RAD23B: variants seen among roughly 807,000 people sequenced by gnomAD.
The protein encoded by RAD23B is lysine-specific demethylase RAD23B.
A neutral mutation model predicts 49.1 loss-of-function variants in RAD23B; 5 were observed. The observed-to-expected ratio is 0.10, with a 90% CI of 0.05 to 0.21. The LOEUF (loss-of-function observed/expected upper bound fraction) is 0.21, where lower values mean the gene tolerates loss of function less well. Among genes scored for constraint, RAD23B ranks in the 10% least tolerant of loss-of-function variants. The pLI is 1.00. For missense variants in RAD23B, 356 were observed against 486.7 expected, an observed-to-expected ratio of 0.73 and a Z score of 2.53; for synonymous variants, 184 against 165.4, an observed-to-expected ratio of 1.11 and a Z score of -0.86.
intron 1 of RAD23B, chr9:107,285,040 T>G: frequency 2.9e-6 from 3 of 1,019,356 alleles, no homozygotes; most frequent in Non-Finnish European, 3.9e-6. Context: ...CTTTAATTTT[T>G]TAAGAAACAG....
Position 107,325,024 on chromosome 9 carries a change from T to TA in RAD23B, c.1116+27dup, listed in dbSNP as rs769342063. The TA allele has an allele frequency of 7.5e-6, 12 of 1,604,876 alleles. No individual in the cohort carries two copies. Among genetic ancestry groups the TA allele is most frequent in the African/African-American group, 4.0e-5 (3 of 74,550 alleles). On this transcript the variant is annotated intron_variant, in intron 9 of 9. Coordinates refer to ENST00000358015, the MANE Select transcript of RAD23B (RefSeq NM_002874.5). ...GAAAGGGTGAGTTTAAGTAAAACTT[T>TA]AAAAAAATTAGTTCTTGGCTGGGCT...
Position 107,318,914 on chromosome 9 carries a change from G to GTT in RAD23B, c.681+37_681+38dup. ...ATGTTTTACTTTACTCCATTCTGTTGTTTAAGATTAAAATCTCAAAGAAAC... is the reference window on the plus strand; with the variant it reads ...ATGTTTTACTTTACTCCATTCTGTTGTTTTTAAGATTAAAATCTCAAAGAAAC... On this transcript the variant is annotated intron_variant, in intron 6 of 9. Coordinates refer to ENST00000358015, the MANE Select transcript of RAD23B (RefSeq NM_002874.5). This position sits in a 1 kb window ranked among gnomAD's most constrained non-coding sequence, Gnocchi z 4.3. 1 of 1,567,036 alleles carries GTT rather than the reference G, an allele frequency of 6.4e-7. No homozygotes were observed. Among genetic ancestry groups the GTT allele is most frequent in the Non-Finnish European group, 8.7e-7 (1 of 1,148,904 alleles).
At chr9:107,292,433 C>T (rs1451312538) in intron 1 of RAD23B, among the ~76,000 whole-genome samples, 1 of 152,104 alleles carries the variant, frequency 6.6e-6, no homozygotes, top group African/African-American at 2.4e-5. Flanking sequence ...GTAATCCCAG[C>T]ACTTTGGGAG....
chr9:107,291,080 C>T (rs1354196236), intron 1 of RAD23B, among the ~76,000 whole-genome samples: 1 of 152,124 alleles, frequency 6.6e-6, no homozygotes, highest in Non-Finnish European at 1.5e-5. Flanking sequence ...AAACTTATTT[C>T]GAGGAGGTAG....
At position 107,306,479 on chromosome 9, in the gene RAD23B, C is replaced by T. The variant is rs1826775275; in HGVS notation, c.329C>T (p.Ala110Val). ...TSSTTTTVAQ[A>V]PTPVPALAPT... ...TCCACCACCACAACTGTGGCTCAGG[C>T]TCCAACCCCTGTCCCTGCCTTGGCC... Residue 110 changes from alanine (A) to valine (V), a missense_variant, in exon 4 of 10, where the codon GCT becomes GTT. By Grantham distance (64) the Ala-to-Val change is moderately conservative. Around this residue, in one of 5 missense-constraint regions of RAD23B, gnomAD observed 137 missense variants for 122.0 expected, o/e 1.12. Coordinates refer to ENST00000358015, the MANE Select transcript of RAD23B (RefSeq NM_002874.5). The T allele has an allele frequency of 1.2e-6, 2 of 1,614,222 alleles. No homozygotes were observed. The highest frequency in any genetic ancestry group is 2.2e-5 in the East Asian group (1 of 44,884).
At chr9:107,284,925 C>G (rs1248522889) in intron 1 of RAD23B, 1 of 1,299,744 alleles carries the variant, frequency 7.7e-7, no homozygotes, top group East Asian at 5.6e-5. Context: ...TATGTATTTA[C>G]TTGGTGGTCA....
chr9:107,299,593 C>T (rs933418064), intron 1 of RAD23B, among the ~76,000 whole-genome samples: 1 of 152,170 alleles, frequency 6.6e-6, no homozygotes, highest in Non-Finnish European at 1.5e-5. Flanking sequence ...ACTTTGGAAA[C>T]ACCTGTAAAA....
intron 2 of RAD23B, 92 bp from the exon 3 acceptor site, chr9:107,301,942 GA>G: frequency 6.8e-7 from 1 of 1,463,192 alleles, no homozygotes; most frequent in Non-Finnish European, 9.2e-7. Context: ...TAATATTTCT[GA>G]AATATTCATA....
chr9:107,284,860 A>C (rs1156230777), intron 1 of RAD23B: 68 of 1,238,884 alleles, frequency 5.5e-5, no homozygotes, highest in Non-Finnish European at 7.0e-5. Flanking sequence ...GGTTAGTTTC[A>C]TTCTCTGTAT....
At chr9:107,298,463 A>C (rs1826579211) in intron 1 of RAD23B, among the ~76,000 whole-genome samples, 3 of 132,192 alleles carry the variant, frequency 2.3e-5, no homozygotes, top group Non-Finnish European at 3.1e-5. Flanking sequence ...ATTTACCGCC[A>C]TGCTTGGCTA....
Position 107,331,883 on chromosome 9 carries a change from C to A in RAD23B, c.*2227C>A, listed in dbSNP as rs1827316674. 1 of 495,704 alleles carries A rather than the reference C, an allele frequency of 2.0e-6. No homozygotes were observed. The highest frequency in any genetic ancestry group is 1.9e-5 in the African/African-American group (1 of 51,560). 30.7% of individuals were successfully genotyped at this position (495,704 alleles called of 1,614,324 possible). A position where few individuals can be genotyped will look rare whatever the true frequency, so the allele number is the denominator to read the frequency against. Reference sequence around the variant, plus strand: ...GCCGAGACACCATAAAAGAAATAGGCTTTTTGTGCCTTTTGCTGTTAATGT... The same window carrying A: ...GCCGAGACACCATAAAAGAAATAGGATTTTTGTGCCTTTTGCTGTTAATGT... On this transcript the variant is annotated 3_prime_UTR_variant, in exon 10 of 10. Transcript: ENST00000358015.
intron 4 of RAD23B, among the ~76,000 whole-genome samples, chr9:107,308,563 T>C (rs777053630): frequency 6.6e-6 from 1 of 152,170 alleles, no homozygotes; most frequent in Non-Finnish European, 1.5e-5. Context: ...CAGTTTTACT[T>C]ACCTATTCTA....
At position 107,322,040 on chromosome 9, in the gene RAD23B, A is replaced by G. The variant is rs1257943170; in HGVS notation, c.739A>G (p.Thr247Ala). 2 of 1,613,724 alleles carry G rather than the reference A, an allele frequency of 1.2e-6. No individual in the cohort carries two copies. The highest frequency in any genetic ancestry group is 1.7e-6 in the Non-Finnish European group (2 of 1,179,810). ...GGTTGACCCCCCTCAAGCAGCTAGT[A>G]CTGGGGCTCCTCAGTCTTCAGCAGT... Reference protein sequence around the residue: ...AVVDPPQAASTGAPQSSAVAA... With the variant: ...AVVDPPQAASAGAPQSSAVAA... Residue 247 changes from threonine to alanine, a missense_variant, in exon 7 of 10, where the codon ACT (threonine) becomes GCT (alanine). Transcript: ENST00000358015.
chr9:107,299,791 A>G (rs1462141457), intron 1 of RAD23B, among the ~76,000 whole-genome samples: 2 of 152,082 alleles, frequency 1.3e-5, no homozygotes, highest in African/African-American at 4.8e-5. Context: ...TATTTCTTAG[A>G]TTTTTTAGGT....
intron 4 of RAD23B, among the ~76,000 whole-genome samples, chr9:107,309,546 A>T (rs1457413491): frequency 6.6e-6 from 1 of 152,188 alleles, no homozygotes; most frequent in Non-Finnish European, 1.5e-5. Context: ...TGGAGAGGGG[A>T]GAAGTAGTGA....
chr9:107,299,386 A>G (rs867283584), intron 1 of RAD23B, among the ~76,000 whole-genome samples: 33 of 152,192 alleles, frequency 2.2e-4, no homozygotes, highest in African/African-American at 7.5e-4. Context: ...CTACTTAACA[A>G]GTTAAGAAGT....
chr9:107,325,121 C>A, intron 9 of RAD23B, 117 bp downstream of exon 9: 1 of 927,182 alleles, frequency 1.1e-6, no homozygotes, highest in Non-Finnish European at 1.6e-6. Flanking sequence ...TCAAGACCAG[C>A]CTGGCCAACG....
intron 8 of RAD23B, among the ~76,000 whole-genome samples, 162 bp downstream of exon 8, chr9:107,324,179 A>G (rs767457170): frequency 1.3e-5 from 2 of 152,218 alleles, no homozygotes; most frequent in East Asian, 1.9e-4. Flanking sequence ...AGGTGTACTA[A>G]AAAAACAGTT....
chr9:107,302,857 C>T (rs1032531317), intron 3 of RAD23B, among the ~76,000 whole-genome samples: 21 of 151,996 alleles, frequency 1.4e-4, no homozygotes, highest in Admixed American at 5.2e-4. Flanking sequence ...AGGGTTTCAC[C>T]GTGTTAGCCA....
Sources: allele counts gnomAD v4.1 joint callset (sites outside exome capture counted in the v4.1 genomes callset), GRCh38; gene constraint gnomAD v4.1.1; regional missense constraint gnomAD v4.1.1; non-coding constraint Gnocchi (gnomAD v3.1); transcripts MANE v1.5; gene names NCBI Gene and HGNC (gene_info 2026-07-23, HGNC 2026-07-21).